Variants in GLYR1 observed in about 807,000 individuals in gnomAD.
GLYR1 encodes glyoxylate reductase 1 homolog.
In GLYR1, 21 loss-of-function variants were observed where a neutral mutation model predicts 72.7. The ratio of observed to expected loss-of-function variants is 0.29; its 90% CI spans 0.20 to 0.42. The LOEUF is 0.42. Ranked by LOEUF, GLYR1 falls within the 10% of genes least tolerant of loss-of-function variation. GLYR1 has a pLI of 1.00. For missense variants in GLYR1, 594 were observed against 712.1 expected, an observed-to-expected ratio of 0.83 and a Z score of 1.89; for synonymous variants, 392 against 270.2, an observed-to-expected ratio of 1.45 and a Z score of -4.42.
chr16:4,830,430 A>G (rs562625769), intron 5 of GLYR1, among the ~76,000 whole-genome samples: 1 of 151,692 alleles, frequency 6.6e-6, no homozygotes, highest in East Asian at 1.9e-4. Context: ...ACAGAGCATG[A>G]CCTCCCCAGA....
At chr16:4,843,789 T>C (rs973012781) in intron 3 of GLYR1, 6 of 381,114 alleles carry the variant, frequency 1.6e-5, no homozygotes, top group Non-Finnish European at 2.4e-5. Context: ...TAAATAGAAA[T>C]ACAACTACTT....
At chr16:4,815,372 C>T (rs2083572126) in intron 10 of GLYR1, among the ~76,000 whole-genome samples, 1 of 151,662 alleles carries the variant, frequency 6.6e-6, no homozygotes, top group Admixed American at 6.6e-5. Flanking sequence ...TCACATTTAT[C>T]TATATTGTTG....
chr16:4,845,377 A>G (rs1317011657), intron 2 of GLYR1, among the ~76,000 whole-genome samples: 1 of 152,088 alleles, frequency 6.6e-6, no homozygotes, highest in Non-Finnish European at 1.5e-5. Context: ...ATATTCTAGA[A>G]GTTCCCAATA....
intron 13 of GLYR1, 112 bp from the exon 14 acceptor site, chr16:4,811,914 C>A: frequency 7.0e-7 from 1 of 1,430,842 alleles, no homozygotes; most frequent in Non-Finnish European, 9.4e-7. Flanking sequence ...GCCCCCTTCA[C>A]CTGCCCCCGA....
chr16:4,805,101 CAAGTCTCA>C lies in GLYR1; in HGVS notation c.*127_*134del, dbSNP rs947753855. ...GTGCTGCTGTGTGCTGTGCTGATGG[CAAGTCTCA>C]AAGTCTGTATAAAAGGAAATGGAGA... On this transcript the variant is annotated 3_prime_UTR_variant, in exon 16 of 16. Transcript: ENST00000321919. 1.2e-5 allele frequency: 9 copies of C among 737,584 alleles called. No homozygotes were observed. Among genetic ancestry groups the C allele is most frequent in the African/African-American group, 3.4e-5 (2 of 58,192 alleles). The allele number at this position is 737,584 out of a possible 1,614,324, so 45.7% of individuals were successfully genotyped here.
At chr16:4,813,258 C>A (rs987498776) in intron 12 of GLYR1, among the ~76,000 whole-genome samples, 4 of 152,176 alleles carry the variant, frequency 2.6e-5, no homozygotes, top group African/African-American at 9.7e-5. Context: ...CCACCGCGCC[C>A]GGACTGGAAT....
intron 3 of GLYR1, among the ~76,000 whole-genome samples, chr16:4,836,535 A>T (rs923107233): frequency 1.3e-5 from 2 of 152,332 alleles, no homozygotes. Flanking sequence ...ACATTGTGAT[A>T]GTAAATAGCT....
intron 2 of GLYR1, 30 bp from the exon 3 acceptor site, chr16:4,845,183 G>T: frequency 1.9e-6 from 3 of 1,558,336 alleles, no homozygotes; most frequent in Non-Finnish European, 2.7e-6. Flanking sequence ...AAAAAGGTTG[G>T]CTGGCAACAC....
In GLYR1 at chr16:4,811,608, C is replaced by T. The variant is rs1322246923; in HGVS notation, c.1462+15G>A. The T allele has an allele frequency of 6.2e-7, 1 of 1,612,908 alleles. No individual in the cohort carries two copies. Among genetic ancestry groups the T allele is most frequent in the Non-Finnish European group, 8.5e-7 (1 of 1,179,988 alleles). ...CAAACACCAAATGCAAGAAGAGGGG[C>T]CAAAAACAACTCACTTTGGCACTTC... On this transcript the variant is annotated intron_variant, in intron 14 of 15. Transcript: ENST00000321919.
chr16:4,846,273 C>T (rs1452471183), intron 1 of GLYR1, 63 bp from the exon 2 acceptor site: 5 of 1,529,942 alleles, frequency 3.3e-6, no homozygotes, highest in Middle Eastern at 1.7e-4. Flanking sequence ...CTTCAACCCA[C>T]TCAATACGCA....
chr16:4,827,862 T>G (rs1346397555), intron 5 of GLYR1, among the ~76,000 whole-genome samples: 1 of 151,676 alleles, frequency 6.6e-6, no homozygotes, highest in African/African-American at 2.4e-5. Flanking sequence ...ATTGCGCCAC[T>G]GCACCGCAGC....
In GLYR1 at chr16:4,832,066, G is replaced by C; in HGVS notation, c.450C>G (p.Gly150=). ...GGGATTTGGAGCCTCTCTCTGAAGA[G>C]CCTGAAGACACCCTCTTCTTTCCTT... ...MGEGKKRVSS[G]SSERGSKSPL... The change falls in exon 5 of 16, where the codon GGC becomes GGG. Residue 150 remains glycine (G), a synonymous_variant. Transcript: ENST00000321919. 6.2e-7 allele frequency: 1 copy of C among 1,614,164 alleles called. No homozygotes were observed. The highest frequency in any genetic ancestry group is 8.5e-7 in the Non-Finnish European group (1 of 1,180,036).
chr16:4,805,096 G>A lies in GLYR1; in HGVS notation c.*140C>T. 1.4e-6 allele frequency: 1 copy of A among 720,708 alleles called. No individual in the cohort carries two copies. The highest frequency in any genetic ancestry group is 2.6e-5 in the East Asian group (1 of 37,992). 44.6% of individuals were successfully genotyped at this position (720,708 alleles called of 1,614,324 possible). A position where few individuals can be genotyped will look rare whatever the true frequency, so the allele number is the denominator to read the frequency against. The stretch of plus-strand genomic sequence containing the variant: ...GAAGGGTGCTGCTGTGTGCTGTGCT[G>A]ATGGCAAGTCTCAAAGTCTGTATAA... On this transcript the variant is annotated 3_prime_UTR_variant, in exon 16 of 16. Transcript: ENST00000321919.
At chr16:4,814,764 C>A in intron 10 of GLYR1, 117 bp from the exon 11 acceptor site, 1 of 792,424 alleles carries the variant, frequency 1.3e-6, no homozygotes, top group Non-Finnish European at 2.1e-6. Context: ...GAGGCTGAGG[C>A]CGGGAGCCTG....
At chr16:4,842,462 G>A (rs1387025049) in intron 3 of GLYR1, among the ~76,000 whole-genome samples, 1 of 151,790 alleles carries the variant, frequency 6.6e-6, no homozygotes. Context: ...CAATCCTCCT[G>A]CCTTAGCCTT....
chr16:4,813,952 T>C, intron 11 of GLYR1, 114 bp from the exon 12 acceptor site: 1 of 732,746 alleles, frequency 1.4e-6, no homozygotes, highest in Admixed American at 3.2e-5. Context: ...CTGATTTCTA[T>C]CAGCTGAAAA....
intron 12 of GLYR1, among the ~76,000 whole-genome samples, 190 bp from the exon 13 acceptor site, chr16:4,812,438 C>A (rs573597886): frequency 6.6e-6 from 1 of 152,046 alleles, no homozygotes; most frequent in Non-Finnish European, 1.5e-5. Flanking sequence ...TCACACAGGC[C>A]GAATCACAGC....
At chr16:4,829,026 C>T (rs1374257915) in intron 5 of GLYR1, among the ~76,000 whole-genome samples, 3 of 152,072 alleles carry the variant, frequency 2.0e-5, no homozygotes, top group Non-Finnish European at 4.4e-5. Context: ...AGTCACATTA[C>T]ATTTTTTGTG....
intron 13 of GLYR1, 95 bp downstream of exon 13, chr16:4,811,991 C>T (rs1049960687): frequency 7.3e-5 from 110 of 1,498,478 alleles, no homozygotes; most frequent in Admixed American, 1.9e-4. Context: ...CCAGGGTCCC[C>T]GGCAGAAAGG....
Sources: allele counts gnomAD v4.1 joint callset (sites outside exome capture counted in the v4.1 genomes callset), GRCh38; gene constraint gnomAD v4.1.1; transcripts MANE v1.5; gene names NCBI Gene and HGNC (gene_info 2026-07-23, HGNC 2026-07-21).